Variants in RCAN1 observed in about 807,000 individuals in gnomAD.
RCAN1 encodes the protein regulator of calcineurin 1, also known as calcipressin-1.
A neutral mutation model predicts 22.9 loss-of-function variants in RCAN1; 11 were observed. The ratio of observed to expected loss-of-function variants is 0.48; its 90% confidence interval spans 0.30 to 0.79. The LOEUF (loss-of-function observed/expected upper bound fraction) is 0.79. Among genes scored for constraint, RCAN1 ranks in the 30% least tolerant of loss-of-function variants. RCAN1 has a pLI of 0.06. For missense variants in RCAN1, 291 were observed against 337.8 expected (o/e 0.86, Z 1.09); for synonymous variants, 136 against 142.3 (o/e 0.96, Z 0.32).
At chr21:34,598,735 G>A (rs2300393) in intron 1 of RCAN1, among the ~76,000 whole-genome samples, 5,966 of 152,214 alleles carry the variant, frequency 0.039, 190 homozygotes, top group East Asian at 0.14. Context: ...GCAAACTGGA[G>A]AAAATATCTG....
chr21:34,519,694 GC>G (rs949618508), intron 3 of RCAN1, among the ~76,000 whole-genome samples: 48 of 152,146 alleles, frequency 3.2e-4, no homozygotes, highest in African/African-American at 9.9e-4. Flanking sequence ...ACCGCGCCCG[GC>G]CTGTGCTTGG....
At chr21:34,613,693 G>A in intron 1 of RCAN1, 1 of 1,381,382 alleles carries the variant, frequency 7.2e-7, no homozygotes, top group Non-Finnish European at 9.6e-7. Flanking sequence ...TGCTGCTCTA[G>A]AAAGCATGCC....
At chr21:34,534,918 C>T (rs951783936) in intron 1 of RCAN1, among the ~76,000 whole-genome samples, 13 of 152,184 alleles carry the variant, frequency 8.5e-5, no homozygotes, top group Non-Finnish European at 1.2e-4. Context: ...ATGGACACTG[C>T]TGAGGGCCAG....
At position 34,521,489 on chromosome 21, in the gene RCAN1, C is replaced by T. The variant is rs1984542582; in HGVS notation, c.586+10G>A. 1 of 1,614,014 alleles carries T rather than the reference C, an allele frequency of 6.2e-7. No homozygotes were observed. Among genetic ancestry groups the T allele is most frequent in the Admixed American group, 1.7e-5 (1 of 60,014 alleles). ...CCCCTGCCTCCCTCCCACCCGAGGG[C>T]CCTGCTCACCTGGCCCCAGCTTGGA... On this transcript the variant is annotated intron_variant, in intron 3 of 3. Transcript: ENST00000313806.
chr21:34,602,235 C>G (rs1302938983), intron 1 of RCAN1, among the ~76,000 whole-genome samples: 1 of 152,114 alleles, frequency 6.6e-6, no homozygotes, highest in South Asian at 2.1e-4. Flanking sequence ...GGCACAGCCC[C>G]GAAGGCAGCC....
chr21:34,568,828 C>T lies in RCAN1; in HGVS notation c.253-45118G>A, dbSNP rs192368123. On this transcript the variant is annotated intron_variant, in intron 1 of 3. Coordinates refer to ENST00000313806, the MANE Select transcript of RCAN1 (RefSeq NM_004414.7). Reference sequence around the variant, plus strand: ...TTCTTAGTGTATTAGTCTGTTTTCACGTTGCTGATAAAGATATACCCAAGA... The same window carrying T: ...TTCTTAGTGTATTAGTCTGTTTTCATGTTGCTGATAAAGATATACCCAAGA... Among the ~76,000 whole-genome samples, 29 of 152,198 alleles carry T rather than the reference C, an allele frequency of 1.9e-4. No homozygotes were observed. In the East Asian group the frequency reaches 4.8e-3, roughly 25 times the overall value.
chr21:34,604,146 T>C (rs962682431), intron 1 of RCAN1, among the ~76,000 whole-genome samples: 13 of 152,154 alleles, frequency 8.5e-5, no homozygotes, highest in African/African-American at 2.7e-4. Flanking sequence ...CACTTCTTTT[T>C]TCTTTTTGAG....
At chr21:34,528,523 G>A (rs1168472164) in intron 1 of RCAN1, among the ~76,000 whole-genome samples, 6 of 152,236 alleles carry the variant, frequency 3.9e-5, no homozygotes. Flanking sequence ...GAGAGGGAAT[G>A]TGTATGCTTG....
chr21:34,560,709 G>A (rs1986757842), intron 1 of RCAN1, among the ~76,000 whole-genome samples: 2 of 152,228 alleles, frequency 1.3e-5, no homozygotes, highest in East Asian at 1.9e-4. Flanking sequence ...GTGAAAAATT[G>A]GAAATATTGA....
intron 1 of RCAN1, among the ~76,000 whole-genome samples, chr21:34,596,881 C>G (rs531846621): frequency 2.6e-5 from 4 of 152,152 alleles, no homozygotes; most frequent in Non-Finnish European, 4.4e-5. Flanking sequence ...CTGCGAGGCT[C>G]GGGCCTGCTC....
At chr21:34,526,810 T>G in intron 1 of RCAN1, 4 of 1,562,224 alleles carry the variant, frequency 2.6e-6, no homozygotes, top group Non-Finnish European at 3.5e-6. Flanking sequence ...GTGAGATTCC[T>G]TTCCAAGAGG....
At chr21:34,578,148 C>T (rs1050808553) in intron 1 of RCAN1, among the ~76,000 whole-genome samples, 2 of 152,176 alleles carry the variant, frequency 1.3e-5, no homozygotes, top group African/African-American at 4.8e-5. Context: ...TGCAAAAACA[C>T]AAAAGAGCAA....
At chr21:34,538,652 G>A (rs1002514599) in intron 1 of RCAN1, among the ~76,000 whole-genome samples, 9 of 152,150 alleles carry the variant, frequency 5.9e-5, no homozygotes, top group Non-Finnish European at 1.0e-4. Flanking sequence ...AAGCCTAGCC[G>A]ACTCTACAGG....
chr21:34,604,435 T>G (rs1439860239), intron 1 of RCAN1, among the ~76,000 whole-genome samples: 1 of 152,092 alleles, frequency 6.6e-6, no homozygotes, highest in Non-Finnish European at 1.5e-5. Flanking sequence ...CCCGGCCATC[T>G]TGGGGTCATT....
chr21:34,529,073 T>C (rs759917970), intron 1 of RCAN1, among the ~76,000 whole-genome samples: 9 of 152,224 alleles, frequency 5.9e-5, no homozygotes, highest in African/African-American at 1.2e-4. Flanking sequence ...TGCCTTTGAA[T>C]TGATCGGTTC....
In RCAN1 at chr21:34,517,888, G is replaced by A. The variant is rs1308299929; in HGVS notation, c.*196C>T. 6.4e-6 allele frequency: 4 copies of A among 622,096 alleles called. No individual in the cohort carries two copies. In the East Asian group the frequency reaches 8.4e-5, roughly 13 times the overall value. The allele number at this position is 622,096 out of a possible 1,614,324, so 38.5% of individuals were successfully genotyped here. ...AGTGATTGGCCCAAGTCATTCCCGG[G>A]TGCCATGAACAGTAACTGGTGTGCA... On this transcript the variant is annotated 3_prime_UTR_variant, in exon 4 of 4. Transcript: ENST00000313806.
intron 1 of RCAN1, among the ~76,000 whole-genome samples, chr21:34,532,787 T>G (rs1269078594): frequency 6.6e-6 from 1 of 152,196 alleles, no homozygotes; most frequent in African/African-American, 2.4e-5. Flanking sequence ...TAGAAAAGAA[T>G]AGATAAATGA....
At position 34,614,454 on chromosome 21, in the gene RCAN1, G is replaced by C. The variant is rs1402666883; in HGVS notation, c.252+306C>G. 2 of 1,014,700 alleles carry C rather than the reference G, an allele frequency of 2.0e-6. No individual in the cohort carries two copies. The highest frequency in any genetic ancestry group is 2.4e-6 in the Non-Finnish European group (2 of 849,558). The allele number at this position is 1,014,700 out of a possible 1,614,324, so 62.9% of individuals were successfully genotyped here. A position where few individuals can be genotyped will look rare whatever the true frequency, so the allele number is the denominator to read the frequency against. On this transcript the variant is annotated intron_variant, in intron 1 of 3. Transcript: ENST00000313806. The surrounding 1 kb of genome is among the most constrained non-coding windows in gnomAD (Gnocchi z 6.0). ...TGGCGAGAGCGCAGGGGGCGGCGGC[G>C]CTGCCCCACCTTGGGGAGCGAATTC...
chr21:34,602,409 G>C (rs556314587), intron 1 of RCAN1, among the ~76,000 whole-genome samples: 4 of 152,286 alleles, frequency 2.6e-5, no homozygotes, highest in Non-Finnish European at 5.9e-5. Flanking sequence ...GATACATCTT[G>C]AATTTAGCTA....
Sources: allele counts gnomAD v4.1 joint callset (sites outside exome capture counted in the v4.1 genomes callset), GRCh38; gene constraint gnomAD v4.1.1; non-coding constraint Gnocchi (gnomAD v3.1); transcripts MANE v1.5; gene names NCBI Gene and HGNC (gene_info 2026-07-23, HGNC 2026-07-21).